NLGN1: variants seen among roughly 807,000 people sequenced by gnomAD.
NLGN1 encodes neuroligin-1.
A neutral mutation model predicts 65.5 loss-of-function variants in NLGN1; 12 were observed. That is an observed-to-expected ratio of 0.18 (90% CI 0.12 to 0.30). The LOEUF (loss-of-function observed/expected upper bound fraction) is 0.30. Among genes scored for constraint, NLGN1 ranks in the 10% least tolerant of loss-of-function variants. NLGN1 has a pLI of 1.00. For missense variants in NLGN1, 750 were observed against 1,007.1 expected (o/e 0.74, Z 3.46); for synonymous variants, 350 against 359.5 (o/e 0.97, Z 0.30).
chr3:173,568,077 A>C (rs1743983764), intron 2 of NLGN1, among the ~76,000 whole-genome samples: 1 of 152,212 alleles, frequency 6.6e-6, no homozygotes, highest in Non-Finnish European at 1.5e-5. Context: ...ACCTCAAAAA[A>C]TAATGATTTA....
chr3:174,127,551 T>C (rs1012279439), intron 4 of NLGN1, among the ~76,000 whole-genome samples: 1 of 152,092 alleles, frequency 6.6e-6, no homozygotes, highest in Non-Finnish European at 1.5e-5. Flanking sequence ...CTCTTCAACA[T>C]TCTTAAATGT....
Position 173,500,062 on chromosome 3 carries a change from G to A in NLGN1, c.-321+64984G>A, listed in dbSNP as rs143040377. Among the ~76,000 whole-genome samples, 1,041 of 152,080 alleles carry A rather than the reference G, an allele frequency of 6.8e-3. 7 individuals are homozygous for A. Among genetic ancestry groups the A allele is most frequent in the Non-Finnish European group, 0.011 (729 of 67,978 alleles). On this transcript the variant is annotated intron_variant, in intron 2 of 6. Coordinates refer to ENST00000457714, the Ensembl canonical transcript of NLGN1. The stretch of plus-strand genomic sequence containing the variant: ...CTTTATTTCCTTCTCCTGCCTGATT[G>A]CCCTGGCTAGAACTTCCAACACCAT...
intron 4 of NLGN1, among the ~76,000 whole-genome samples, chr3:173,897,867 C>T (rs1420367589): frequency 6.6e-6 from 1 of 152,150 alleles, no homozygotes; most frequent in Non-Finnish European, 1.5e-5. Flanking sequence ...GCATGGTGTT[C>T]TTGCCCCCTT....
intron 4 of NLGN1, among the ~76,000 whole-genome samples, chr3:174,144,567 T>C (rs1419903932): frequency 6.6e-6 from 1 of 152,212 alleles, no homozygotes; most frequent in East Asian, 1.9e-4. Context: ...CCACATCCTC[T>C]CCAGCATCCT....
At chr3:173,608,316 C>A (rs561449686) in intron 3 of NLGN1, among the ~76,000 whole-genome samples, 5 of 151,890 alleles carry the variant, frequency 3.3e-5, no homozygotes, top group African/African-American at 1.2e-4. Context: ...ACCTCTAGAT[C>A]TTTCTTCAGA....
intron 3 of NLGN1, among the ~76,000 whole-genome samples, chr3:173,616,413 G>C (rs1218866216): frequency 6.6e-6 from 1 of 152,022 alleles, no homozygotes; most frequent in East Asian, 1.9e-4. Context: ...AAAAAAACTG[G>C]ACTCAAAATG....
chr3:173,464,921 T>C (rs959180308), intron 2 of NLGN1, among the ~76,000 whole-genome samples: 4 of 152,102 alleles, frequency 2.6e-5, no homozygotes, highest in Non-Finnish European at 5.9e-5. Context: ...AATTGCCTCC[T>C]ATAGACAGTG....
At chr3:173,646,103 T>C (rs966693677) in intron 3 of NLGN1, among the ~76,000 whole-genome samples, 3 of 152,190 alleles carry the variant, frequency 2.0e-5, no homozygotes, top group Admixed American at 2.0e-4. Context: ...CATCCCGTGG[T>C]ATGTGGTCTC....
rs370806254 is a variant in NLGN1 at position 173,526,172 on chromosome 3, C to T, written c.-320-78107C>T. ...TGTTGTCAGTGGGGTGTTGAAGTCC[C>T]TACTTCTGTATTATTGAATTGCTTT... On this transcript the variant is annotated intron_variant, in intron 2 of 6. Transcript: ENST00000457714. 3.9e-3 allele frequency among the ~76,000 whole-genome samples: 594 copies of T among 152,130 alleles called. 2 individuals are homozygous for T. Among genetic ancestry groups the T allele is most frequent in the African/African-American group, 0.014 (578 of 41,512 alleles).
intron 3 of NLGN1, among the ~76,000 whole-genome samples, chr3:173,794,407 T>C (rs9290480): frequency 0.82 from 124,988 of 152,090 alleles, 52,107 homozygotes; most frequent in Non-Finnish European, 0.87. Flanking sequence ...GACAGAATAT[T>C]GCAACCATGG....
intron 3 of NLGN1, among the ~76,000 whole-genome samples, chr3:173,710,195 T>G (rs1349356029): frequency 6.6e-6 from 1 of 152,116 alleles, no homozygotes; most frequent in East Asian, 1.9e-4. Context: ...AAAGATACAG[T>G]AGATGATATT....
chr3:173,949,019 T>C (rs1747711234), intron 4 of NLGN1, among the ~76,000 whole-genome samples: 1 of 152,054 alleles, frequency 6.6e-6, no homozygotes. Context: ...ACACCTCTCT[T>C]CACTAAATTT....
chr3:173,957,176 T>C (rs1428391235), intron 4 of NLGN1, among the ~76,000 whole-genome samples: 1 of 152,166 alleles, frequency 6.6e-6, no homozygotes, highest in African/African-American at 2.4e-5. Context: ...AGTATATGTC[T>C]TTCTGAGAAA....
chr3:174,003,158 G>A, intron 4 of NLGN1, among the ~76,000 whole-genome samples: 1 of 152,078 alleles, frequency 6.6e-6, no homozygotes, highest in East Asian at 1.9e-4. Flanking sequence ...GAATAATAGT[G>A]TTTAAAAGGA....
At chr3:173,949,069 T>C (rs568346138) in intron 4 of NLGN1, among the ~76,000 whole-genome samples, 13 of 152,142 alleles carry the variant, frequency 8.5e-5, no homozygotes, top group Non-Finnish European at 1.9e-4. Context: ...ATATATTAAC[T>C]CATAAATAGA....
At chr3:173,750,658 CTAAT>C (rs1281456623) in intron 3 of NLGN1, among the ~76,000 whole-genome samples, 8 of 152,034 alleles carry the variant, frequency 5.3e-5, no homozygotes, top group East Asian at 1.9e-4. Context: ...ATTATGCACA[CTAAT>C]TATTGTTGTA....
intron 4 of NLGN1, among the ~76,000 whole-genome samples, chr3:174,055,439 T>A (rs1023361353): frequency 6.6e-6 from 1 of 151,990 alleles, no homozygotes; most frequent in African/African-American, 2.4e-5. Context: ...GGGCACCGAA[T>A]TGTGATCTGA....
chr3:173,521,459 T>C (rs1414666806), intron 2 of NLGN1, among the ~76,000 whole-genome samples: 1 of 148,792 alleles, frequency 6.7e-6, no homozygotes, highest in Non-Finnish European at 1.5e-5. Context: ...CTAAAAGTAT[T>C]GAACACCCAA....
At chr3:174,115,174 G>A (rs1213241939) in intron 4 of NLGN1, among the ~76,000 whole-genome samples, 2 of 152,138 alleles carry the variant, frequency 1.3e-5, no homozygotes, top group Admixed American at 6.5e-5. Context: ...CAATGACTCA[G>A]TACGTTGAAG....
Sources: gnomAD v4.1 joint callset for allele counts (sites outside exome capture counted in the v4.1 genomes callset) on GRCh38, gnomAD v4.1.1 for gene constraint, MANE v1.5 for transcripts, NCBI Gene and HGNC (gene_info 2026-07-23, HGNC 2026-07-21) for gene names.